The following LRP1B variants were observed in gnomAD, a reference collection of about 807,000 sequenced individuals.
LRP1B encodes low-density lipoprotein receptor-related protein 1B.
A neutral mutation model predicts 556.6 loss-of-function variants in LRP1B; 217 were observed. The observed-to-expected ratio is 0.39, with a 90% confidence interval of 0.35 to 0.44. The LOEUF (loss-of-function observed/expected upper bound fraction) is 0.44. Among genes scored for constraint, LRP1B ranks in the 20% least tolerant of loss-of-function variants. The pLI, the probability that LRP1B is intolerant of heterozygous loss-of-function variation, is 1.00. For synonymous variants in LRP1B, 2,047 were observed against 1,865.8 expected, an observed-to-expected ratio of 1.10 and a Z score of -2.50; for missense variants, 5,053 against 5,620.8, an observed-to-expected ratio of 0.90 and a Z score of 3.23.
chr2:142,074,246 T>C (rs1034546829), intron 1 of LRP1B, among the ~76,000 whole-genome samples: 8 of 152,058 alleles, frequency 5.3e-5, no homozygotes, highest in African/African-American at 1.9e-4. Flanking sequence ...CAAGTTTTAT[T>C]ACCTTTCCTG....
At chr2:140,273,804 C>G (rs1034272014) in intron 85 of LRP1B, among the ~76,000 whole-genome samples, 1 of 152,044 alleles carries the variant, frequency 6.6e-6, no homozygotes, top group East Asian at 1.9e-4. Context: ...ATGGCACAAC[C>G]CTTTAGCCGC....
chr2:141,137,002 T>C (rs752854781), intron 7 of LRP1B, among the ~76,000 whole-genome samples: 2 of 151,302 alleles, frequency 1.3e-5, no homozygotes, highest in African/African-American at 2.4e-5. Flanking sequence ...GTCAAAATAA[T>C]GATTCTAACA....
intron 3 of LRP1B, among the ~76,000 whole-genome samples, chr2:141,387,602 G>T (rs1559043179): frequency 1.3e-5 from 2 of 152,042 alleles, no homozygotes; most frequent in Non-Finnish European, 2.9e-5. Flanking sequence ...ATTACCAAAG[G>T]TGACTGAATA....
chr2:140,649,424 T>A (rs1684597644), intron 41 of LRP1B, among the ~76,000 whole-genome samples: 1 of 152,168 alleles, frequency 6.6e-6, no homozygotes, highest in South Asian at 2.1e-4. Flanking sequence ...AAAAAAAAGT[T>A]GAAGTGTTCA....
rs1472794541 is a variant in LRP1B at position 140,535,449 on chromosome 2, G to GAAA, written c.7642+1131_7642+1132insTTT. Among the ~76,000 whole-genome samples the GAAA allele has an allele frequency of 3.7e-4, 56 of 152,272 alleles. No individual in the cohort carries two copies. The South Asian group carries it at 0.011, about 30-fold the overall frequency. Reference sequence around the variant, plus strand: ...TTAGACTCTCATTTTAAACGATGGTGTGTTGTCTTGTAACGTAAAAGAGTG... The same window carrying GAAA: ...TTAGACTCTCATTTTAAACGATGGTGAAATGTTGTCTTGTAACGTAAAAGAGTG... On this transcript the variant is annotated intron_variant, in intron 46 of 90. Transcript: ENST00000389484.
intron 1 of LRP1B, among the ~76,000 whole-genome samples, chr2:142,068,754 T>C (rs867090213): frequency 6.6e-6 from 1 of 151,572 alleles, no homozygotes; most frequent in Non-Finnish European, 1.5e-5. Context: ...CCCTCAGAAG[T>C]AATAAAATAC....
chr2:141,608,752 A>T (rs1156759736), intron 2 of LRP1B, among the ~76,000 whole-genome samples: 2 of 152,236 alleles, frequency 1.3e-5, no homozygotes, highest in African/African-American at 4.8e-5. Context: ...GTAATCCTAT[A>T]TATAGGACAC....
At chr2:141,123,387 A>G (rs1256902868) in intron 7 of LRP1B, among the ~76,000 whole-genome samples, 1 of 152,046 alleles carries the variant, frequency 6.6e-6, no homozygotes, top group Non-Finnish European at 1.5e-5. Context: ...AAAATGTTAA[A>G]TATGCATATT....
At chr2:140,305,943 G>A (rs1245520581) in intron 83 of LRP1B, among the ~76,000 whole-genome samples, 1 of 151,578 alleles carries the variant, frequency 6.6e-6, no homozygotes, top group Non-Finnish European at 1.5e-5. Context: ...CTGTTTATAT[G>A]CTGGATTACA....
intron 66 of LRP1B, among the ~76,000 whole-genome samples, chr2:140,405,924 T>C (rs1054716546): frequency 1.3e-5 from 2 of 152,004 alleles, no homozygotes; most frequent in Admixed American, 6.6e-5. Flanking sequence ...CTGGTGAACA[T>C]AGAAGCAAAA....
At chr2:140,872,420 T>C (rs1015207152) in intron 25 of LRP1B, among the ~76,000 whole-genome samples, 1 of 142,776 alleles carries the variant, frequency 7.0e-6, no homozygotes, top group Non-Finnish European at 1.5e-5. Context: ...GAGGCTACTC[T>C]TGGTTTTGTA....
At chr2:141,048,804 T>C (rs1698952901) in intron 11 of LRP1B, among the ~76,000 whole-genome samples, 182 bp downstream of exon 11, 1 of 152,138 alleles carries the variant, frequency 6.6e-6, no homozygotes, top group East Asian at 1.9e-4. Context: ...ATGAAGGCTT[T>C]AATACACTGG....
intron 3 of LRP1B, among the ~76,000 whole-genome samples, chr2:141,448,390 T>G (rs1448094149): frequency 6.6e-6 from 1 of 152,200 alleles, no homozygotes; most frequent in Non-Finnish European, 1.5e-5. Context: ...CCACTTGGCT[T>G]CCTGGCTTCA....
At chr2:141,086,690 G>T (rs1205107212) in intron 7 of LRP1B, among the ~76,000 whole-genome samples, 1 of 151,216 alleles carries the variant, frequency 6.6e-6, no homozygotes, top group East Asian at 1.9e-4. Context: ...GCAATACAAA[G>T]AAAAAGTCTG....
chr2:141,026,603 A>G (rs1187770883), intron 11 of LRP1B, among the ~76,000 whole-genome samples: 1 of 152,082 alleles, frequency 6.6e-6, no homozygotes, highest in Non-Finnish European at 1.5e-5. Flanking sequence ...TCAGATCCAC[A>G]TAAATACGCA....
chr2:142,093,567 C>T (rs1254268713), intron 1 of LRP1B, among the ~76,000 whole-genome samples: 1 of 151,962 alleles, frequency 6.6e-6, no homozygotes, highest in Non-Finnish European at 1.5e-5. Flanking sequence ...GAATGTGTGA[C>T]CTAGTACTAG....
At chr2:141,577,104 T>A (rs1414145100) in intron 2 of LRP1B, among the ~76,000 whole-genome samples, 1 of 152,168 alleles carries the variant, frequency 6.6e-6, no homozygotes, top group Admixed American at 6.5e-5. Context: ...AGAACAGTGA[T>A]CATTGGTGAC....
At chr2:141,336,624 G>A (rs4954898) in intron 3 of LRP1B, among the ~76,000 whole-genome samples, 86,575 of 151,926 alleles carry the variant, frequency 0.57, 25,600 homozygotes, top group African/African-American at 0.68. Context: ...TTTAATACAC[G>A]TATAGATTGA....
At chr2:141,976,136 T>C (rs918517102) in intron 1 of LRP1B, among the ~76,000 whole-genome samples, 2 of 152,134 alleles carry the variant, frequency 1.3e-5, no homozygotes, top group African/African-American at 4.8e-5. Context: ...TTTTTTCTGC[T>C]CAATAGTTCT....
Sources: allele counts gnomAD v4.1 joint callset (sites outside exome capture counted in the v4.1 genomes callset), GRCh38; gene constraint gnomAD v4.1.1; transcripts MANE v1.5; gene names NCBI Gene and HGNC (gene_info 2026-07-23, HGNC 2026-07-21).